Variants in PPP1R12A observed in about 807,000 individuals in gnomAD.
The protein encoded by PPP1R12A is protein phosphatase 1 regulatory subunit 12A, also known as myosin binding subunit.
Under a neutral mutation model 139.6 loss-of-function variants are expected in PPP1R12A, and 19 were observed. The ratio of observed to expected loss-of-function variants is 0.14; its 90% CI spans 0.09 to 0.20. PPP1R12A has a LOEUF of 0.20. PPP1R12A is among the 10% of genes least tolerant of loss of function. PPP1R12A has a pLI of 1.00. For missense variants in PPP1R12A, 925 were observed against 1,211.5 expected, an observed-to-expected ratio of 0.76 and a Z score of 3.51; for synonymous variants, 427 against 420.6, an observed-to-expected ratio of 1.02 and a Z score of -0.19.
intron 18 of PPP1R12A, among the ~76,000 whole-genome samples, chr12:79,795,415 T>C (rs773037674): frequency 5.9e-5 from 9 of 152,176 alleles, no homozygotes; most frequent in African/African-American, 1.2e-4. Context: ...ATTATTTCTA[T>C]TCCATAATTA....
At chr12:79,801,647 C>T (rs1873195424) in intron 14 of PPP1R12A, among the ~76,000 whole-genome samples, 1 of 151,866 alleles carries the variant, frequency 6.6e-6, no homozygotes, top group African/African-American at 2.4e-5. Flanking sequence ...TTTCTACAAC[C>T]CTGAAATTTT....
chr12:79,827,191 T>C (rs1345508904), intron 5 of PPP1R12A, among the ~76,000 whole-genome samples: 1 of 152,186 alleles, frequency 6.6e-6, no homozygotes, highest in Non-Finnish European at 1.5e-5. Context: ...TAACTAAAAA[T>C]TCAACCCAAA....
chr12:79,935,042 G>A lies in PPP1R12A; in HGVS notation c.-111C>T, dbSNP rs1888563360. 6 of 1,416,078 alleles carry A rather than the reference G, an allele frequency of 4.2e-6. No individual in the cohort carries two copies. In the East Asian group the frequency reaches 8.1e-5, roughly 19 times the overall value. The allele number at this position is 1,416,078 out of a possible 1,614,324, so 87.7% of individuals were successfully genotyped here. A position where few individuals can be genotyped will look rare whatever the true frequency, so the allele number is the denominator to read the frequency against. On this transcript the variant is annotated 5_prime_UTR_variant, in exon 1 of 25. Coordinates refer to ENST00000450142, the MANE Select transcript of PPP1R12A (RefSeq NM_002480.3). Reference sequence around the variant, plus strand: ...AATGTTTCTATGAGTGCGGGCCAGAGGAGGGCTGGGAACCCGGAGCCGACG... The same window carrying A: ...AATGTTTCTATGAGTGCGGGCCAGAAGAGGGCTGGGAACCCGGAGCCGACG...
chr12:79,833,854 A>AAC (rs1308398659), intron 3 of PPP1R12A, among the ~76,000 whole-genome samples: 3 of 150,912 alleles, frequency 2.0e-5, no homozygotes, highest in Non-Finnish European at 4.4e-5. Context: ...AGGAAAAAAA[A>AAC]AAAAAAAAAG....
chr12:79,774,694 AG>A lies in PPP1R12A; in HGVS notation c.*1234del, dbSNP rs1196841787. On this transcript the variant is annotated 3_prime_UTR_variant, in exon 25 of 25. Transcript: ENST00000450142. ...GGTCTGAACATGATGGTGGTATCAA[AG>A]TCGATGCCTCTTCACATGGCAATAA... The A allele has an allele frequency of 4.1e-4, 63 of 152,042 alleles. 1 individual carries two copies. Among genetic ancestry groups the A allele is most frequent in the Non-Finnish European group, 1.6e-4 (11 of 67,926 alleles). The allele number at this position is 152,042 out of a possible 1,614,324, so 9.4% of individuals were successfully genotyped here. A position where few individuals can be genotyped will look rare whatever the true frequency, so the allele number is the denominator to read the frequency against.
chr12:79,774,663 T>C lies in PPP1R12A; in HGVS notation c.*1266A>G, dbSNP rs1401807812. 6.8e-6 allele frequency: 1 copy of C among 146,496 alleles called. No homozygotes were observed. Among genetic ancestry groups the C allele is most frequent in the African/African-American group, 2.6e-5 (1 of 38,208 alleles). 9.1% of individuals were successfully genotyped at this position (146,496 alleles called of 1,614,324 possible). ...AAAAAAAAAAGGCCACTGAAATGTA[T>C]AAAATGGTCTGAACATGATGGTGGT... On this transcript the variant is annotated 3_prime_UTR_variant, in exon 25 of 25. Transcript: ENST00000450142.
intron 2 of PPP1R12A, among the ~76,000 whole-genome samples, chr12:79,852,173 A>C (rs1414890036): frequency 2.7e-5 from 4 of 150,494 alleles, no homozygotes; most frequent in Admixed American, 1.3e-4. Flanking sequence ...TCCTAGTATG[A>C]CAATTTTTTC....
At chr12:79,819,414 A>G (rs990063608) in intron 8 of PPP1R12A, 1 of 152,186 alleles carries the variant, frequency 6.6e-6, no homozygotes, top group African/African-American at 2.4e-5. Context: ...AACAAGGGCT[A>G]ATGAAGAAAA....
At chr12:79,778,033 CTA>C (rs1363474879) in intron 24 of PPP1R12A, among the ~76,000 whole-genome samples, 2 of 152,072 alleles carry the variant, frequency 1.3e-5, no homozygotes, top group African/African-American at 4.8e-5. Context: ...AATCAATTAA[CTA>C]TGCTACTTGT....
chr12:79,913,001 C>T (rs976790648), intron 1 of PPP1R12A, among the ~76,000 whole-genome samples: 2 of 152,216 alleles, frequency 1.3e-5, no homozygotes, highest in African/African-American at 4.8e-5. Flanking sequence ...TTCTCCACAT[C>T]CCTTCTCAGC....
chr12:79,783,095 G>T (rs1447337077), intron 22 of PPP1R12A, among the ~76,000 whole-genome samples: 2 of 151,898 alleles, frequency 1.3e-5, no homozygotes, highest in Non-Finnish European at 2.9e-5. Flanking sequence ...TCAAGCTTTT[G>T]TGCTTACTCT....
chr12:79,843,030 T>C (rs77789965), intron 3 of PPP1R12A, among the ~76,000 whole-genome samples: 31,548 of 152,150 alleles, frequency 0.21, 5,903 homozygotes, highest in African/African-American at 0.5. Flanking sequence ...ACCTCATATA[T>C]GTAGAATCAT....
intron 9 of PPP1R12A, among the ~76,000 whole-genome samples, chr12:79,814,500 AG>A (rs375138949): frequency 0.13 from 12,074 of 96,258 alleles, 4,919 homozygotes; most frequent in Middle Eastern, 0.23. Flanking sequence ...AAAAAAAAAA[AG>A]GACTCCCCCT....
At chr12:79,904,393 T>C (rs1158560173) in intron 1 of PPP1R12A, among the ~76,000 whole-genome samples, 2 of 152,116 alleles carry the variant, frequency 1.3e-5, no homozygotes, top group Non-Finnish European at 2.9e-5. Context: ...GCAGACACTT[T>C]CTGTATGTGC....
chr12:79,909,787 C>T (rs1377452417), intron 1 of PPP1R12A, among the ~76,000 whole-genome samples: 4 of 149,570 alleles, frequency 2.7e-5, no homozygotes, highest in Admixed American at 2.7e-4. Context: ...TGTCATATTG[C>T]TTTGTTGTTG....
chr12:79,803,651 T>C (rs961531715), intron 14 of PPP1R12A, among the ~76,000 whole-genome samples: 34 of 152,086 alleles, frequency 2.2e-4, no homozygotes, highest in African/African-American at 8.0e-4. Flanking sequence ...GTATTCAAGA[T>C]TGCAAACAAT....
chr12:79,803,234 G>A (rs1310962782), intron 14 of PPP1R12A, among the ~76,000 whole-genome samples: 1 of 152,094 alleles, frequency 6.6e-6, no homozygotes, highest in Non-Finnish European at 1.5e-5. Flanking sequence ...CTAATATTCA[G>A]TTCCTTTCTC....
At chr12:79,849,700 G>A (rs925888215) in intron 2 of PPP1R12A, among the ~76,000 whole-genome samples, 4 of 152,134 alleles carry the variant, frequency 2.6e-5, no homozygotes, top group Non-Finnish European at 5.9e-5. Context: ...ATGAACAACC[G>A]TATTGAGTGC....
chr12:79,935,252 T>G (rs2136993293), upstream of PPP1R12A: 1 of 1,139,218 alleles, frequency 8.8e-7, no homozygotes, highest in Admixed American at 5.0e-5. Flanking sequence ...GCCCTGGGCC[T>G]GTGCCCGCCC....
Sources: allele counts gnomAD v4.1 joint callset (sites outside exome capture counted in the v4.1 genomes callset), GRCh38; gene constraint gnomAD v4.1.1; transcripts MANE v1.5; gene names NCBI Gene and HGNC (gene_info 2026-07-23, HGNC 2026-07-21).